Variants in TDRD3 observed in about 807,000 individuals in gnomAD.
TDRD3 encodes the protein tudor domain-containing protein 3.
Under a neutral mutation model 86.7 loss-of-function variants are expected in TDRD3, and 45 were observed. The observed-to-expected ratio is 0.52, with a 90% CI of 0.41 to 0.67. TDRD3 has a LOEUF of 0.67. Among genes scored for constraint, TDRD3 ranks in the 30% least tolerant of loss-of-function variants. The pLI is 0.00. For synonymous variants in TDRD3, 298 were observed against 301.7 expected, an observed-to-expected ratio of 0.99 and a Z score of 0.13; for missense variants, 814 against 889.0, an observed-to-expected ratio of 0.92 and a Z score of 1.07.
At chr13:60,506,918 TAA>T (rs1329441833) in intron 8 of TDRD3, among the ~76,000 whole-genome samples, 1 of 152,078 alleles carries the variant, frequency 6.6e-6, no homozygotes. Flanking sequence ...GCAAATTGGA[TAA>T]AGAGTCAAGA....
intron 4 of TDRD3, among the ~76,000 whole-genome samples, chr13:60,462,199 C>T (rs919770613): frequency 1.3e-5 from 2 of 152,206 alleles, no homozygotes; most frequent in African/African-American, 2.4e-5. Context: ...AATTCAGTCA[C>T]ACCCCTTGCA....
At chr13:60,524,870 G>A (rs966544624) in intron 10 of TDRD3, among the ~76,000 whole-genome samples, 12 of 151,562 alleles carry the variant, frequency 7.9e-5, no homozygotes, top group African/African-American at 1.2e-4. Flanking sequence ...AGGCCTAGGC[G>A]GGTAGATCAT....
chr13:60,494,580 G>T lies in TDRD3; in HGVS notation c.858+5G>T. ...GAAGGTGTCTATAGAGAACTGGTAAGGCTAAAGAACTAACCACAAATTTAA... is the reference window on the plus strand; with the variant it reads ...GAAGGTGTCTATAGAGAACTGGTAATGCTAAAGAACTAACCACAAATTTAA... On this transcript the variant is annotated splice_donor_5th_base_variant and intron_variant, in intron 8 of 13. Transcript: ENST00000377881. 1 of 1,609,318 alleles carries T rather than the reference G, an allele frequency of 6.2e-7. No individual in the cohort carries two copies. The highest frequency in any genetic ancestry group is 8.5e-7 in the Non-Finnish European group (1 of 1,178,156).
In TDRD3 at chr13:60,529,233, A is replaced by G; in HGVS notation, c.1992+16A>G. 9 of 1,562,318 alleles carry G rather than the reference A, an allele frequency of 5.8e-6. No homozygotes were observed. Among genetic ancestry groups the G allele is most frequent in the Non-Finnish European group, 7.8e-6 (9 of 1,158,906 alleles). On this transcript the variant is annotated intron_variant, in intron 11 of 13. Coordinates refer to ENST00000377881, the MANE Select transcript of TDRD3 (RefSeq NM_001146070.2). ...AGACAACAAGGTATGGATGCTTTAA[A>G]GATATTATACACTAATATTACGAAA...
chr13:60,545,696 G>A (rs1245579105), intron 12 of TDRD3, among the ~76,000 whole-genome samples: 1 of 151,866 alleles, frequency 6.6e-6, no homozygotes, highest in African/African-American at 2.4e-5. Flanking sequence ...TTATTATTAG[G>A]AAATCATGAA....
At chr13:60,474,045 T>C (rs1162842187) in intron 5 of TDRD3, among the ~76,000 whole-genome samples, 1 of 152,116 alleles carries the variant, frequency 6.6e-6, no homozygotes, top group African/African-American at 2.4e-5. Flanking sequence ...GATGCTGTAC[T>C]TCAGTGGTCA....
intron 3 of TDRD3, among the ~76,000 whole-genome samples, chr13:60,458,106 C>T (rs1955720535): frequency 6.6e-6 from 1 of 152,144 alleles, no homozygotes; most frequent in South Asian, 2.1e-4. Flanking sequence ...AGTAAACTTG[C>T]TGCTTGCTTG....
At chr13:60,397,869 TTGA>T (rs1344659160) in intron 1 of TDRD3, among the ~76,000 whole-genome samples, 2 of 151,982 alleles carry the variant, frequency 1.3e-5, no homozygotes, top group Non-Finnish European at 2.9e-5. Flanking sequence ...CCATAGGAAG[TTGA>T]GGGCAGAGCA....
rs893832868 is a variant in TDRD3, at chr13:60,471,018, CTGT to C, written c.495+3650_495+3652del. Among the ~76,000 whole-genome samples the C allele has an allele frequency of 3.6e-4, 55 of 152,156 alleles. 1 individual carries two copies. Among genetic ancestry groups the C allele is most frequent in the African/African-American group, 1.3e-3 (52 of 41,506 alleles). ...CTTTGCCCATTTTTAATCAGGTCAG[CTGT>C]TGTTGTTGTTATTGTATGAGTTATG... On this transcript the variant is annotated intron_variant, in intron 5 of 13. Transcript: ENST00000377881.
chr13:60,406,926 G>T (rs1462457579), intron 1 of TDRD3, among the ~76,000 whole-genome samples: 3 of 152,168 alleles, frequency 2.0e-5, no homozygotes, highest in Admixed American at 6.5e-5. Flanking sequence ...ATTACATGAA[G>T]ATGTTAAGAA....
intron 3 of TDRD3, among the ~76,000 whole-genome samples, chr13:60,456,177 A>T (rs2138033418): frequency 6.6e-6 from 1 of 152,140 alleles, no homozygotes; most frequent in Non-Finnish European, 1.5e-5. Flanking sequence ...GTTTATCCAG[A>T]TGTGATTATA....
At chr13:60,447,196 A>G (rs774603024) in intron 3 of TDRD3, among the ~76,000 whole-genome samples, 1 of 152,218 alleles carries the variant, frequency 6.6e-6, no homozygotes, top group Non-Finnish European at 1.5e-5. Flanking sequence ...TAAAATATAC[A>G]ATAGACTATT....
rs147116994 is a variant in TDRD3 at position 60,541,947 on chromosome 13, G to A, written c.2118+6714G>A. Among the ~76,000 whole-genome samples, 1,065 of 151,610 alleles carry A rather than the reference G, an allele frequency of 7.0e-3. 15 individuals carry two copies. The highest frequency in any genetic ancestry group is 0.024 in the African/African-American group (987 of 41,352). On this transcript the variant is annotated intron_variant, in intron 12 of 13. Coordinates refer to ENST00000377881, the MANE Select transcript of TDRD3 (RefSeq NM_001146070.2). ...TCTCCATGTTGGTCAGGCTGGTCTC[G>A]AACTCCCGACCTCAGGTGATCCACC...
At chr13:60,537,005 A>G (rs1291742118) in intron 12 of TDRD3, 1 of 152,100 alleles carries the variant, frequency 6.6e-6, no homozygotes, top group East Asian at 1.9e-4. Context: ...GTTCTGAACT[A>G]CAGCAATACT....
chr13:60,467,250 A>C lies in TDRD3; in HGVS notation c.366A>C (p.Pro122=). The change falls in exon 5 of 14, where the codon CCA becomes CCC. Residue 122 remains proline, a synonymous_variant. Transcript: ENST00000377881. The part of the protein sequence containing the change: ...SYMSKISLNT[P]PGTKVKLSGI... ...CTCTTTGCTTTAGCCTGAACACACC[A>C]CCTGGAACTAAAGTTAAGCTCTCAG... 6.2e-7 allele frequency: 1 copy of C among 1,613,710 alleles called. No homozygotes were observed. Among genetic ancestry groups the C allele is most frequent in the South Asian group, 1.1e-5 (1 of 91,068 alleles).
intron 6 of TDRD3, chr13:60,484,783 A>AACCT (rs1367694863): frequency 7.0e-6 from 3 of 427,786 alleles, no homozygotes; most frequent in Non-Finnish European, 1.4e-5. Flanking sequence ...GTGTAATGAA[A>AACCT]ACCTCCACAG....
chr13:60,429,249 T>G (rs9538695), intron 1 of TDRD3, among the ~76,000 whole-genome samples: 20,935 of 152,132 alleles, frequency 0.14, 1,504 homozygotes, highest in East Asian at 0.2. Flanking sequence ...TACTTCATTT[T>G]AATGTACAGG....
At chr13:60,573,102 C>T (rs1958625727) in intron 13 of TDRD3, among the ~76,000 whole-genome samples, 1 of 152,184 alleles carries the variant, frequency 6.6e-6, no homozygotes, top group Admixed American at 6.5e-5. Context: ...TATCTCAGCT[C>T]TTTCTCTTGT....
chr13:60,478,319 T>TTTTG (rs1566226452), intron 5 of TDRD3, among the ~76,000 whole-genome samples: 2 of 100,556 alleles, frequency 2.0e-5, no homozygotes, highest in Non-Finnish European at 4.1e-5. Flanking sequence ...TTTTTTTTTT[T>TTTTG]GAGACAGAGT....
Sources: gnomAD v4.1 joint callset for allele counts (sites outside exome capture counted in the v4.1 genomes callset) on GRCh38, gnomAD v4.1.1 for gene constraint, MANE v1.5 for transcripts, NCBI Gene and HGNC (gene_info 2026-07-23, HGNC 2026-07-21) for gene names.